Variants in TRPM8 observed in about 807,000 individuals in gnomAD.
TRPM8 encodes transient receptor potential cation channel subfamily M member 8, also known as TRPM8 cationic channel.
In TRPM8, 110 loss-of-function variants were observed where a neutral mutation model predicts 133.7. The ratio of observed to expected loss-of-function variants is 0.82; its 90% CI spans 0.70 to 0.96. TRPM8 has a LOEUF of 0.96. Among genes scored for constraint, TRPM8 ranks in the 40% least tolerant of loss-of-function variants. TRPM8 has a pLI of 0.00. For missense variants in TRPM8, 1,291 were observed against 1,379.5 expected (o/e 0.94, Z 1.02); for synonymous variants, 535 against 532.3 (o/e 1.01, Z -0.07).
chr2:233,938,968 A>T (rs1412594806), intron 4 of TRPM8, 30 bp from the exon 5 acceptor site: 1 of 1,612,616 alleles, frequency 6.2e-7, no homozygotes. Flanking sequence ...ACACAGGCCT[A>T]TCCTGATACT....
chr2:233,963,652 C>T (rs1299743293), intron 13 of TRPM8, among the ~76,000 whole-genome samples: 6 of 152,120 alleles, frequency 3.9e-5, no homozygotes, highest in Admixed American at 3.3e-4. Flanking sequence ...AAGGTATTCA[C>T]ATTTGATTTT....
At chr2:233,975,299 CT>C (rs1691840796) in intron 17 of TRPM8, among the ~76,000 whole-genome samples, 1 of 152,114 alleles carries the variant, frequency 6.6e-6, no homozygotes, top group Non-Finnish European at 1.5e-5. Context: ...GCTGTGTGCC[CT>C]GGAGTGGCCA....
chr2:233,922,090 G>A (rs1464574466), intron 1 of TRPM8, among the ~76,000 whole-genome samples: 5 of 135,606 alleles, frequency 3.7e-5, no homozygotes, highest in African/African-American at 1.4e-4. Flanking sequence ...CAGTCGCAAG[G>A]GTCTCTGTCT....
At chr2:233,982,992 C>CG (rs1692048179) in intron 19 of TRPM8, 61 bp from the exon 20 acceptor site, 1 of 1,564,048 alleles carries the variant, frequency 6.4e-7, no homozygotes. Flanking sequence ...ACGGCCGGGC[C>CG]GGGGGGACTT....
rs201835578 is a variant in TRPM8, at chr2:233,996,484, G to A, written c.3098G>A (p.Cys1033Tyr). ...GTGAAGAAGTGCTTCAAGTGTTGCTGCAAGGAGAAAAACATGGAGTCTTCT... is the reference window on the plus strand; with the variant it reads ...GTGAAGAAGTGCTTCAAGTGTTGCTACAAGGAGAAAAACATGGAGTCTTCT... The part of the protein sequence containing the change: ...MVVKKCFKCC[C>Y]KEKNMESSVC... Residue 1033 changes from cysteine to tyrosine, a missense_variant, in exon 22 of 26, where the codon TGC becomes TAC. This residue lies in a region of TRPM8 where 328 missense variants were observed against 410.6 expected (regional missense o/e 0.80). Transcript: ENST00000324695. 6.2e-7 allele frequency: 1 copy of A among 1,614,180 alleles called. No homozygotes were observed. The highest frequency in any genetic ancestry group is 8.5e-7 in the Non-Finnish European group (1 of 1,180,042).
At chr2:233,938,288 T>C (rs1690813964) in intron 4 of TRPM8, among the ~76,000 whole-genome samples, 1 of 152,242 alleles carries the variant, frequency 6.6e-6, no homozygotes, top group South Asian at 2.1e-4. Flanking sequence ...TCCCAGGTTC[T>C]CCACCTCGCC....
chr2:233,927,588 T>G (rs2125040144), intron 2 of TRPM8, among the ~76,000 whole-genome samples: 1 of 152,180 alleles, frequency 6.6e-6, no homozygotes, highest in African/African-American at 2.4e-5. Flanking sequence ...GGTGGTAGCT[T>G]TTCCAGCGTT....
Position 233,969,681 on chromosome 2 carries a change from T to G in TRPM8, c.2026-14T>G. ...TTAATAAGGACCTTGTTCTCTGTCT[T>G]TGTTTCCCTGTAGAATTTTCTTTCT... is the stretch of plus-strand genomic sequence containing the variant. On this transcript the variant is annotated splice_polypyrimidine_tract_variant and intron_variant, in intron 15 of 25. Coordinates refer to ENST00000324695, the MANE Select transcript of TRPM8 (RefSeq NM_024080.5). The G allele has an allele frequency of 1.3e-6, 2 of 1,529,794 alleles. No homozygotes were observed. The highest frequency in any genetic ancestry group is 1.8e-6 in the Non-Finnish European group (2 of 1,103,342). 94.8% of individuals were successfully genotyped at this position (1,529,794 alleles called of 1,614,324 possible).
At position 233,917,379 on chromosome 2, in the gene TRPM8, C is replaced by T. The variant is rs1691324573; in HGVS notation, c.-59C>T. 1 of 152,098 alleles carries T rather than the reference C, an allele frequency of 6.6e-6. No homozygotes were observed. The highest frequency in any genetic ancestry group is 1.5e-5 in the Non-Finnish European group (1 of 68,030). 9.4% of individuals were successfully genotyped at this position (152,098 alleles called of 1,614,324 possible). A position where few individuals can be genotyped will look rare whatever the true frequency, so the allele number is the denominator to read the frequency against. On this transcript the variant is annotated 5_prime_UTR_variant, in exon 1 of 26. Transcript: ENST00000324695. ...CTTTCCTCCTCCTGTGGGGAGAGAC[C>T]AGCAGGATCCTTGGGTGAAAGAAAA...
chr2:233,966,539 G>A (rs1691580353), intron 14 of TRPM8, 71 bp from the exon 15 acceptor site: 2 of 1,592,518 alleles, frequency 1.3e-6, no homozygotes, highest in Non-Finnish European at 8.6e-7. Context: ...GTTGGCTGGG[G>A]GTGGAAGCAG....
At chr2:233,961,302 C>A (rs942625431) in intron 12 of TRPM8, among the ~76,000 whole-genome samples, 1 of 152,022 alleles carries the variant, frequency 6.6e-6, no homozygotes, top group African/African-American at 2.4e-5. Context: ...AGACTAGTTG[C>A]AGTTTTCCTT....
Position 233,927,923 on chromosome 2 carries a change from TTTCTCTCTCTCTC to T in TRPM8, c.117+1271_117+1283del, listed in dbSNP as rs1559516691. On this transcript the variant is annotated intron_variant, in intron 2 of 25. Transcript: ENST00000324695. ...CTTTCTTTCTTTCTCTCTCTCTCTC[TTTCTCTCTCTCTC>T]TCTCTCTCTCTCTCTCTCTCTCTCT... Among the ~76,000 whole-genome samples the T allele has an allele frequency of 6.7e-3, 271 of 40,488 alleles. 31 individuals carry two copies. The highest frequency in any genetic ancestry group is 0.047 in the African/African-American group (253 of 5,432). The allele number at this position is 40,488 out of a possible 152,430, so 26.6% of individuals were successfully genotyped here. A position where few individuals can be genotyped will look rare whatever the true frequency, so the allele number is the denominator to read the frequency against.
At chr2:234,004,818 T>C (rs1692653507) in intron 22 of TRPM8, among the ~76,000 whole-genome samples, 2 of 152,252 alleles carry the variant, frequency 1.3e-5, no homozygotes, top group Admixed American at 1.3e-4. Flanking sequence ...TATTTTTGTG[T>C]GGGTGTATAG....
intron 20 of TRPM8, among the ~76,000 whole-genome samples, chr2:233,984,625 C>T (rs1045857128): frequency 1.5e-4 from 23 of 152,234 alleles, no homozygotes; most frequent in Middle Eastern, 3.4e-3. Flanking sequence ...GAGCCATCCT[C>T]GTCGCTTGCC....
intron 17 of TRPM8, among the ~76,000 whole-genome samples, chr2:233,978,065 A>G (rs1574752434): frequency 6.8e-6 from 1 of 147,258 alleles, no homozygotes; most frequent in African/African-American, 2.5e-5. Flanking sequence ...TACTGTGTTC[A>G]TCACCTTACA....
chr2:233,941,176 T>C (rs1049047298), intron 5 of TRPM8, among the ~76,000 whole-genome samples: 3 of 152,234 alleles, frequency 2.0e-5, no homozygotes, highest in Non-Finnish European at 2.9e-5. Context: ...AGAGATGTTA[T>C]CTATAAGGAA....
chr2:234,018,195 T>C lies in TRPM8; in HGVS notation c.*939T>C, dbSNP rs1309459933. ...TATCATACTACATATATACTTTTTA[T>C]GTAAGCTTTTTCACTTAGTATTTTA... On this transcript the variant is annotated 3_prime_UTR_variant, in exon 26 of 26. Coordinates refer to ENST00000324695, the MANE Select transcript of TRPM8 (RefSeq NM_024080.5). 6.6e-6 allele frequency: 1 copy of C among 152,168 alleles called. No homozygotes were observed. Among genetic ancestry groups the C allele is most frequent in the African/African-American group, 2.4e-5 (1 of 41,446 alleles). The allele number at this position is 152,168 out of a possible 1,614,324, so 9.4% of individuals were successfully genotyped here. A position where few individuals can be genotyped will look rare whatever the true frequency, so the allele number is the denominator to read the frequency against.
intron 14 of TRPM8, 62 bp downstream of exon 14, chr2:233,964,819 C>T: frequency 6.6e-7 from 1 of 1,512,914 alleles, no homozygotes; most frequent in African/African-American, 1.4e-5. Flanking sequence ...CAGACATTGC[C>T]AGCGGCACTC....
chr2:233,965,831 T>C (rs1691554148), intron 14 of TRPM8, among the ~76,000 whole-genome samples: 1 of 152,002 alleles, frequency 6.6e-6, no homozygotes. Flanking sequence ...CACACACTAA[T>C]GCAATAGATC....
Sources: allele counts gnomAD v4.1 joint callset (sites outside exome capture counted in the v4.1 genomes callset), GRCh38; gene constraint gnomAD v4.1.1; regional missense constraint gnomAD v4.1.1; transcripts MANE v1.5; gene names NCBI Gene and HGNC (gene_info 2026-07-23, HGNC 2026-07-21).